Variants in RSPO2 observed in about 807,000 individuals in gnomAD.
The protein encoded by RSPO2 is R-spondin-2.
A neutral mutation model predicts 30.9 loss-of-function variants in RSPO2; 14 were observed. The ratio of observed to expected loss-of-function variants is 0.45; its 90% CI spans 0.30 to 0.71. The LOEUF is 0.71. RSPO2 is among the 30% of genes least tolerant of loss of function. The probability of loss-of-function intolerance (pLI) is 0.08; values close to 1 mark genes in which losing one functional copy is unlikely to be tolerated. For synonymous variants in RSPO2, 107 were observed against 96.4 expected, an observed-to-expected ratio of 1.11 and a Z score of -0.64; for missense variants, 264 against 301.9, an observed-to-expected ratio of 0.87 and a Z score of 0.93.
At chr8:108,055,490 A>G (rs1459697483) in intron 2 of RSPO2, among the ~76,000 whole-genome samples, 1 of 152,168 alleles carries the variant, frequency 6.6e-6, no homozygotes, top group Non-Finnish European at 1.5e-5. Flanking sequence ...AGGAGAATGG[A>G]TCACAGAAAG....
chr8:107,959,461 T>G (rs971770151), intron 4 of RSPO2, among the ~76,000 whole-genome samples: 1 of 152,152 alleles, frequency 6.6e-6, no homozygotes, highest in Non-Finnish European at 1.5e-5. Context: ...CCGTTAAAAC[T>G]CCTCTTCATG....
At chr8:108,002,416 A>T (rs1356698906) in intron 2 of RSPO2, among the ~76,000 whole-genome samples, 1 of 152,228 alleles carries the variant, frequency 6.6e-6, no homozygotes, top group Admixed American at 6.5e-5. Context: ...ACTTCCTAAG[A>T]AATGGAATGT....
chr8:107,999,255 T>C (rs1815142996), intron 2 of RSPO2, among the ~76,000 whole-genome samples: 1 of 152,140 alleles, frequency 6.6e-6, no homozygotes, highest in Non-Finnish European at 1.5e-5. Flanking sequence ...CATATAATTG[T>C]CTAGGAGTAT....
At chr8:107,958,322 C>A in intron 4 of RSPO2, 54 bp from the exon 5 acceptor site, 1 of 1,416,660 alleles carries the variant, frequency 7.1e-7, no homozygotes, top group Non-Finnish European at 9.8e-7. Context: ...AAGTTAGTAT[C>A]CATTTGCTTC....
At chr8:107,986,212 C>A (rs934781638) in intron 3 of RSPO2, among the ~76,000 whole-genome samples, 1 of 152,030 alleles carries the variant, frequency 6.6e-6, no homozygotes, top group Non-Finnish European at 1.5e-5. Context: ...TGAAAAAGAG[C>A]AAATAATTGG....
rs556322135 is a variant in RSPO2 at position 107,996,666 on chromosome 8, T to C, written c.95-7422A>G. ...GTTAAACCAAAGCTCTTTATCACCA[T>C]AAATCATGCTCCACAGTAAGAAGTA... On this transcript the variant is annotated intron_variant, in intron 2 of 5. Transcript: ENST00000276659. Among the ~76,000 whole-genome samples the C allele has an allele frequency of 3.3e-5, 5 of 152,278 alleles. No homozygotes were observed. In the South Asian group the frequency reaches 8.3e-4, roughly 25 times the overall value.
At chr8:107,977,595 G>T (rs1368679347) in intron 3 of RSPO2, among the ~76,000 whole-genome samples, 1 of 152,156 alleles carries the variant, frequency 6.6e-6, no homozygotes, top group Non-Finnish European at 1.5e-5. Context: ...GCTAAAGTTT[G>T]GGGGAGTGGG....
chr8:107,982,274 T>C (rs1006286887), intron 3 of RSPO2, among the ~76,000 whole-genome samples: 14 of 152,164 alleles, frequency 9.2e-5, no homozygotes, highest in Non-Finnish European at 2.9e-5. Context: ...ATTTGGAGGT[T>C]AAAAAAGTTT....
chr8:107,964,720 G>C (rs762975622), intron 3 of RSPO2, among the ~76,000 whole-genome samples: 15 of 152,120 alleles, frequency 9.9e-5, no homozygotes, highest in South Asian at 2.1e-4. Context: ...GGGAACTCCT[G>C]TGCAGTCTCA....
chr8:107,957,978 T>C, intron 5 of RSPO2, 102 bp downstream of exon 5: 7 of 795,330 alleles, frequency 8.8e-6, no homozygotes, highest in Non-Finnish European at 1.2e-5. Flanking sequence ...ATTATTGGGT[T>C]TCCTTCAAAG....
chr8:108,015,853 A>G (rs995608390), intron 2 of RSPO2, among the ~76,000 whole-genome samples: 1 of 151,852 alleles, frequency 6.6e-6, no homozygotes, highest in Non-Finnish European at 1.5e-5. Flanking sequence ...CACTTTCACT[A>G]CTCTCTGGCT....
chr8:107,981,424 G>A (rs1182639311), intron 3 of RSPO2, among the ~76,000 whole-genome samples: 2 of 151,984 alleles, frequency 1.3e-5, no homozygotes, highest in Admixed American at 1.3e-4. Context: ...GGTGCACTGA[G>A]GCACGAGAAT....
At chr8:107,902,693 AC>A (rs1420314207) in intron 5 of RSPO2, among the ~76,000 whole-genome samples, 2 of 152,062 alleles carry the variant, frequency 1.3e-5, no homozygotes, top group Non-Finnish European at 2.9e-5. Flanking sequence ...ACTCTTCAAG[AC>A]CCTAGCACAG....
intron 2 of RSPO2, among the ~76,000 whole-genome samples, chr8:108,017,143 A>C (rs1393810187): frequency 2.0e-5 from 3 of 151,332 alleles, no homozygotes; most frequent in Non-Finnish European, 4.4e-5. Context: ...CAGCCTCCCG[A>C]GTAGCTGGGA....
At chr8:107,998,570 C>T (rs916332972) in intron 2 of RSPO2, among the ~76,000 whole-genome samples, 2 of 152,128 alleles carry the variant, frequency 1.3e-5, no homozygotes, top group Non-Finnish European at 2.9e-5. Context: ...TTATAAGCAT[C>T]ATGCCTTGGA....
chr8:107,946,730 T>C (rs1348769005), intron 5 of RSPO2, among the ~76,000 whole-genome samples: 1 of 152,196 alleles, frequency 6.6e-6, no homozygotes, highest in Non-Finnish European at 1.5e-5. Context: ...TCAACAATCT[T>C]ATTGAGATTA....
At chr8:107,973,323 T>G (rs149494522) in intron 3 of RSPO2, among the ~76,000 whole-genome samples, 1,691 of 152,170 alleles carry the variant, frequency 0.011, 38 homozygotes, top group African/African-American at 0.038. Flanking sequence ...TTTCTAATAT[T>G]TGCATTTATA....
chr8:107,983,671 G>A, intron 3 of RSPO2: 8 of 1,593,292 alleles, frequency 5.0e-6, no homozygotes, highest in Non-Finnish European at 6.9e-6. Context: ...GGAATTCCTT[G>A]TGGCAGAGAA....
At chr8:108,014,997 A>G (rs1187849091) in intron 2 of RSPO2, among the ~76,000 whole-genome samples, 1 of 152,162 alleles carries the variant, frequency 6.6e-6, no homozygotes, top group Non-Finnish European at 1.5e-5. Context: ...TATAAGAATT[A>G]AAGCATAATA....
Sources: gnomAD v4.1 joint callset for allele counts (sites outside exome capture counted in the v4.1 genomes callset) on GRCh38, gnomAD v4.1.1 for gene constraint, MANE v1.5 for transcripts, NCBI Gene and HGNC (gene_info 2026-07-23, HGNC 2026-07-21) for gene names.